Variants in CHEK1 observed in about 807,000 individuals in gnomAD.
CHEK1 encodes checkpoint kinase 1, also known as serine/threonine-protein kinase Chk1.
In CHEK1, 32 loss-of-function variants were observed where a neutral mutation model predicts 60.2. That is an observed-to-expected ratio of 0.53 (90% confidence interval 0.40 to 0.71). CHEK1 has a LOEUF of 0.71. Ranked by LOEUF, CHEK1 falls within the 30% of genes least tolerant of loss-of-function variation. The pLI is 0.00. For synonymous variants in CHEK1, 179 were observed against 187.2 expected (o/e 0.96, Z 0.36); for missense variants, 399 against 564.6 (o/e 0.71, Z 2.97).
In CHEK1 at chr11:125,627,847, A is replaced by G. The variant is rs151191014; in HGVS notation, c.289+17A>G. ...ACAGAATAGGTATGGAAGAAATTTA[A>G]GATAATTATTTTAAACAAGTTTTTA... On this transcript the variant is annotated intron_variant, in intron 3 of 12. Coordinates refer to ENST00000438015, the MANE Select transcript of CHEK1 (RefSeq NM_001114122.3). 89 of 1,494,506 alleles carry G rather than the reference A, an allele frequency of 6.0e-5. No individual in the cohort carries two copies. The East Asian group carries it at 1.4e-3, about 24-fold the overall frequency. The allele number at this position is 1,494,506 out of a possible 1,614,324, so 92.6% of individuals were successfully genotyped here. A position where few individuals can be genotyped will look rare whatever the true frequency, so the allele number is the denominator to read the frequency against.
At chr11:125,650,918 CAAG>C (rs1419669284) in intron 11 of CHEK1, among the ~76,000 whole-genome samples, 2 of 152,084 alleles carry the variant, frequency 1.3e-5, no homozygotes, top group African/African-American at 2.4e-5. Flanking sequence ...AATACTCAAC[CAAG>C]AAGTTTACAA....
chr11:125,640,312 C>CGGGCG, intron 8 of CHEK1, among the ~76,000 whole-genome samples: 1 of 152,098 alleles, frequency 6.6e-6, no homozygotes, highest in East Asian at 2.0e-4. Context: ...GAGGCCAAGG[C>CGGGCG]GGGCGGATCA....
downstream of CHEK1, chr11:125,676,398 G>C: frequency 6.2e-7 from 1 of 1,614,130 alleles, no homozygotes; most frequent in East Asian, 2.2e-5. Context: ...TGGGAATTCT[G>C]AGTGATGCAG....
rs367756024 is a variant in CHEK1 at position 125,639,382 on chromosome 11, CTTTTTTT to C, written c.814+1852_814+1858del. On this transcript the variant is annotated intron_variant, in intron 8 of 12. Coordinates refer to ENST00000438015, the MANE Select transcript of CHEK1 (RefSeq NM_001114122.3). ...AATCACGTTTTTATAATACTTTTCT[CTTTTTTT>C]TTTTTTTTTTTTTGAGACAGGGTCT... 5.6e-5 allele frequency among the ~76,000 whole-genome samples: 6 copies of C among 106,380 alleles called. No individual in the cohort carries two copies. The East Asian group carries it at 1.1e-3, about 20-fold the overall frequency. The allele number at this position is 106,380 out of a possible 152,430, so 69.8% of individuals were successfully genotyped here. A position where few individuals can be genotyped will look rare whatever the true frequency, so the allele number is the denominator to read the frequency against.
chr11:125,643,744 T>C (rs766783224), intron 8 of CHEK1, 48 bp from the exon 9 acceptor site: 1 of 1,454,876 alleles, frequency 6.9e-7, no homozygotes, highest in South Asian at 1.2e-5. Context: ...TTTAAAAACA[T>C]ACTTGCATAG....
intron 13 of CHEK1, among the ~76,000 whole-genome samples, chr11:125,669,674 C>T (rs1942164519): frequency 6.6e-6 from 1 of 151,918 alleles, no homozygotes; most frequent in South Asian, 2.1e-4. Flanking sequence ...CAGGCGCCCA[C>T]CACCACGCCT....
At chr11:125,668,838 T>A (rs1298853858) in intron 13 of CHEK1, among the ~76,000 whole-genome samples, 4 of 152,228 alleles carry the variant, frequency 2.6e-5, no homozygotes, top group Non-Finnish European at 5.9e-5. Context: ...ATTACAGGTA[T>A]AAGCCACCGT....
intron 13 of CHEK1, among the ~76,000 whole-genome samples, chr11:125,665,869 C>CA (rs1329660137): frequency 6.6e-5 from 2 of 30,514 alleles, no homozygotes; most frequent in Non-Finnish European, 1.2e-4. Context: ...CTTCATTCCC[C>CA]TTTTTTTTTT....
At chr11:125,643,600 T>C in intron 8 of CHEK1, 192 bp from the exon 9 acceptor site, 1 of 545,524 alleles carries the variant, frequency 1.8e-6, no homozygotes, top group Non-Finnish European at 3.2e-6. Flanking sequence ...AAATGAGTTT[T>C]AGTAATTTTA....
chr11:125,645,830 C>T (rs181976740), intron 11 of CHEK1, among the ~76,000 whole-genome samples: 5 of 152,290 alleles, frequency 3.3e-5, no homozygotes, highest in East Asian at 1.9e-4. Context: ...ATTTATTATA[C>T]TCTTTTTTCA....
rs1940559253 is a variant in CHEK1 at position 125,625,765 on chromosome 11, G to A, written c.-268G>A. ...CCCAGAGCTCAATTCGCGCCGATGC[G>A]GTCCGCCGTCCTTAAATCTCTTCAG... On this transcript the variant is annotated 5_prime_UTR_variant, in exon 1 of 13. Coordinates refer to ENST00000438015, the MANE Select transcript of CHEK1 (RefSeq NM_001114122.3). 2.9e-6 allele frequency: 2 copies of A among 687,250 alleles called. No homozygotes were observed. Among genetic ancestry groups the A allele is most frequent in the Non-Finnish European group, 5.4e-6 (2 of 372,780 alleles). The allele number at this position is 687,250 out of a possible 1,614,324, so 42.6% of individuals were successfully genotyped here. A position where few individuals can be genotyped will look rare whatever the true frequency, so the allele number is the denominator to read the frequency against.
rs1234547126 is a variant in CHEK1 at position 125,626,849 on chromosome 11, C to T, written c.65+16C>T. The T allele has an allele frequency of 6.2e-7, 1 of 1,613,860 alleles. No homozygotes were observed. The highest frequency in any genetic ancestry group is 8.5e-7 in the Non-Finnish European group (1 of 1,179,784). ...CCTATGGAGAGTGAGTTCTTTTAAG[C>T]TTGCCTTCGTTTTCTGAGTGCATAT... On this transcript the variant is annotated intron_variant, in intron 2 of 12. Transcript: ENST00000438015.
In CHEK1 at chr11:125,653,291, TG is replaced by T. The variant is rs1941799866; in HGVS notation, c.1234-454del. Among the ~76,000 whole-genome samples, 1 of 152,212 alleles carries T rather than the reference TG, an allele frequency of 6.6e-6. No individual in the cohort carries two copies. The highest frequency in any genetic ancestry group is 2.1e-4 in the South Asian group (1 of 4,832). On this transcript the variant is annotated intron_variant, in intron 11 of 12. Coordinates refer to ENST00000438015, the MANE Select transcript of CHEK1 (RefSeq NM_001114122.3). This position sits in a 1 kb window ranked among gnomAD's most constrained non-coding sequence, Gnocchi z 4.3. ...GTGCAGTGGCGCAATCATAGCTCAC[TG>T]CAGCTTCAACCTCCTGGGCTCAAGT...
intron 13 of CHEK1, among the ~76,000 whole-genome samples, chr11:125,671,357 TAG>T (rs1942198817): frequency 1.3e-5 from 2 of 152,226 alleles, no homozygotes; most frequent in Non-Finnish European, 2.9e-5. Flanking sequence ...TTTAGGATTT[TAG>T]TTCCTGCTTT....
At chr11:125,649,321 G>T (rs1006544774) in intron 11 of CHEK1, among the ~76,000 whole-genome samples, 8 of 152,084 alleles carry the variant, frequency 5.3e-5, no homozygotes, top group African/African-American at 1.9e-4. Context: ...CAAGTAGGTG[G>T]GACTGCAGGC....
intron 5 of CHEK1, 88 bp from the exon 6 acceptor site, chr11:125,633,075 A>AT (rs1000059945): frequency 7.9e-5 from 97 of 1,222,122 alleles, no homozygotes; most frequent in African/African-American, 1.4e-4. Context: ...AACACCAGTG[A>AT]TTTTTTTTCA....
At chr11:125,629,087 T>G (rs1208910342) in intron 3 of CHEK1, 145 bp from the exon 4 acceptor site, 3 of 695,494 alleles carry the variant, frequency 4.3e-6, no homozygotes, top group Non-Finnish European at 7.4e-6. Flanking sequence ...GCCCCATATG[T>G]GTTAGTGGAC....
chr11:125,646,503 T>C (rs1237525964), intron 11 of CHEK1, among the ~76,000 whole-genome samples: 1 of 152,216 alleles, frequency 6.6e-6, no homozygotes, highest in Non-Finnish European at 1.5e-5. Context: ...ATAGAATTGT[T>C]GGAGCATATG....
chr11:125,625,757 G>A lies in CHEK1; in HGVS notation c.-276G>A. The A allele has an allele frequency of 1.5e-6, 1 of 684,332 alleles. No individual in the cohort carries two copies. The highest frequency in any genetic ancestry group is 1.5e-5 in the South Asian group (1 of 66,968). 42.4% of individuals were successfully genotyped at this position (684,332 alleles called of 1,614,324 possible). On this transcript the variant is annotated 5_prime_UTR_variant, in exon 1 of 13. Transcript: ENST00000438015. ...TATTTGGGCCCAGAGCTCAATTCGC[G>A]CCGATGCGGTCCGCCGTCCTTAAAT...
Sources: allele counts gnomAD v4.1 joint callset (sites outside exome capture counted in the v4.1 genomes callset), GRCh38; gene constraint gnomAD v4.1.1; non-coding constraint Gnocchi (gnomAD v3.1); transcripts MANE v1.5; gene names NCBI Gene and HGNC (gene_info 2026-07-23, HGNC 2026-07-21).